Variants in STON1 observed in about 807,000 individuals in gnomAD.
The protein encoded by STON1 is stonin 1, also known as stonin-1.
STON1 carries 79 observed loss-of-function variants against 60.9 expected under a neutral mutation model. The observed-to-expected ratio is 1.30, with a 90% CI of 1.08 to 1.56. The LOEUF (loss-of-function observed/expected upper bound fraction) is 1.56, where lower values mean the gene tolerates loss of function less well. Ranked by LOEUF, STON1 falls within the 40% of genes most tolerant of loss-of-function variation. The pLI, the probability that STON1 is intolerant of heterozygous loss-of-function variation, is 0.00. For missense variants in STON1, 1,166 were observed against 858.9 expected (o/e 1.36, Z -4.47); for synonymous variants, 363 against 306.9 (o/e 1.18, Z -1.91).
chr2:48,547,968 T>C (rs772784472), intron 1 of STON1, among the ~76,000 whole-genome samples: 11 of 152,242 alleles, frequency 7.2e-5, no homozygotes, highest in Non-Finnish European at 1.5e-4. Context: ...CTGCTTCTCA[T>C]GTCCTTACCA....
At position 48,580,926 on chromosome 2, in the gene STON1, G is replaced by A; in HGVS notation, c.293G>A (p.Gly98Glu). 6.3e-7 allele frequency: 1 copy of A among 1,598,528 alleles called. No homozygotes were observed. ...GGTTTTCCTGGCATCCCCAAAGCAG[G>A]GACTCATGTGCTTTATCCTATTCCA... ...FPGFPGIPKA[G>E]THVLYPIPES... The change falls in exon 2 of 4, where the codon GGG (glycine) becomes GAG (glutamate). Residue 98 changes from glycine (G) to glutamate (E), a missense_variant. By Grantham distance (98) the Gly-to-Glu change is moderately conservative. Transcript: ENST00000404752.
chr2:48,574,798 A>G (rs1558621697), intron 1 of STON1, among the ~76,000 whole-genome samples: 2 of 152,224 alleles, frequency 1.3e-5, no homozygotes, highest in Non-Finnish European at 2.9e-5. Flanking sequence ...CTGGGTACAT[A>G]GTGATCACTC....
chr2:48,581,248 G>C lies in STON1; in HGVS notation c.615G>C (p.Lys205Asn). Residue 205 changes from lysine to asparagine, a missense_variant, in exon 2 of 4, where the codon AAG becomes AAC. Coordinates refer to ENST00000404752, the MANE Select transcript of STON1 (RefSeq NM_006873.4). ...CCCTTGACCCACCAGGAAGCAAAAAGATGTTCTCATCAAGAAACAAGGAGA... is the reference window on the plus strand; with the variant it reads ...CCCTTGACCCACCAGGAAGCAAAAACATGTTCTCATCAAGAAACAAGGAGA... ...HFTLDPPGSKKMFSSRNKEMP... is the reference protein window; with the variant it reads ...HFTLDPPGSKNMFSSRNKEMP... The C allele has an allele frequency of 2.6e-6, 4 of 1,517,642 alleles. No homozygotes were observed. The highest frequency in any genetic ancestry group is 3.5e-6 in the Non-Finnish European group (4 of 1,138,136). 94.0% of individuals were successfully genotyped at this position (1,517,642 alleles called of 1,614,324 possible).
At chr2:48,534,597 T>A (rs1218602902) in intron 1 of STON1, among the ~76,000 whole-genome samples, 1 of 152,146 alleles carries the variant, frequency 6.6e-6, no homozygotes, top group African/African-American at 2.4e-5. Flanking sequence ...GGTGGAAGGA[T>A]CACTTGAGCC....
intron 1 of STON1, among the ~76,000 whole-genome samples, chr2:48,557,110 C>A (rs1185898810): frequency 9.7e-6 from 1 of 102,892 alleles, no homozygotes; most frequent in African/African-American, 3.6e-5. Context: ...GGGTGGCTGC[C>A]GGGCGGAGAC....
intron 2 of STON1, among the ~76,000 whole-genome samples, chr2:48,583,437 T>G (rs1674016068): frequency 1.3e-5 from 2 of 152,192 alleles, no homozygotes; most frequent in Non-Finnish European, 2.9e-5. Context: ...TGTTAAAAAT[T>G]CAGTTAATTT....
intron 1 of STON1, among the ~76,000 whole-genome samples, chr2:48,562,997 G>C (rs1400354996): frequency 6.6e-6 from 1 of 152,240 alleles, no homozygotes; most frequent in Non-Finnish European, 1.5e-5. Flanking sequence ...ATGAGAGACT[G>C]ACTGACCTTG....
chr2:48,581,415 C>T lies in STON1; in HGVS notation c.782C>T (p.Ser261Phe). The T allele has an allele frequency of 6.2e-7, 1 of 1,611,872 alleles. No individual in the cohort carries two copies. Among genetic ancestry groups the T allele is most frequent in the African/African-American group, 1.3e-5 (1 of 74,982 alleles). The change falls in exon 2 of 4, where the codon TCC (serine) becomes TTC (phenylalanine). Residue 261 changes from serine to phenylalanine, a missense_variant. By Grantham distance (155) the Ser-to-Phe change is radical. Coordinates refer to ENST00000404752, the MANE Select transcript of STON1 (RefSeq NM_006873.4). Reference sequence around the variant, plus strand: ...CTATGTGCTGAAGAAAATGCCTCTTCCTTTGTCCCCCACACACTCTTCAGG... The same window carrying T: ...CTATGTGCTGAAGAAAATGCCTCTTTCTTTGTCCCCCACACACTCTTCAGG... Reference protein sequence around the residue: ...HCLCAEENASSFVPHTLFRSQ... With the variant: ...HCLCAEENASFFVPHTLFRSQ...
chr2:48,592,001 T>G (rs895753629), intron 3 of STON1, 146 bp downstream of exon 3: 1 of 1,087,176 alleles, frequency 9.2e-7, no homozygotes, highest in Non-Finnish European at 1.3e-6. Flanking sequence ...GGAAACTTGA[T>G]GGCCACCATT....
At chr2:48,546,129 G>T (rs926636074) in intron 1 of STON1, among the ~76,000 whole-genome samples, 2 of 152,274 alleles carry the variant, frequency 1.3e-5, no homozygotes, top group Non-Finnish European at 1.5e-5. Flanking sequence ...CATTGGCCTT[G>T]CCATCTTCCG....
intron 2 of STON1, among the ~76,000 whole-genome samples, chr2:48,584,686 T>G (rs576450142): frequency 1.3e-5 from 2 of 152,248 alleles, no homozygotes; most frequent in African/African-American, 4.8e-5. Context: ...GGGAGCCAGA[T>G]TCCAAGTATT....
chr2:48,565,624 C>T (rs930925632), intron 1 of STON1, among the ~76,000 whole-genome samples: 1 of 152,224 alleles, frequency 6.6e-6, no homozygotes, highest in East Asian at 1.9e-4. Context: ...AGACACAGTT[C>T]TAGAAAAAGA....
At chr2:48,551,230 T>C (rs1241745378) in intron 1 of STON1, among the ~76,000 whole-genome samples, 1 of 152,024 alleles carries the variant, frequency 6.6e-6, no homozygotes, top group African/African-American at 2.4e-5. Flanking sequence ...ACAGGGAGAA[T>C]GGGTTGGACT....
At position 48,563,857 on chromosome 2, in the gene STON1, CG is replaced by C. The variant is rs377530335; in HGVS notation, c.-47-16729del. Among the ~76,000 whole-genome samples the C allele has an allele frequency of 7.1e-3, 1,072 of 151,882 alleles. 6 individuals are homozygous for C. The highest frequency in any genetic ancestry group is 0.011 in the Non-Finnish European group (738 of 67,940). ...TACAGCCACATGCCACCATGCCTGG[CG>C]AATTTTTTTTTTTTAACTTTTAATG... On this transcript the variant is annotated intron_variant, in intron 1 of 3. Transcript: ENST00000404752.
chr2:48,583,250 G>T (rs1259102970), intron 2 of STON1, among the ~76,000 whole-genome samples: 1 of 152,122 alleles, frequency 6.6e-6, no homozygotes, highest in African/African-American at 2.4e-5. Context: ...CATCGTGCCT[G>T]GCTAATTTTT....
chr2:48,569,209 A>G (rs1481285375), intron 1 of STON1: 1 of 152,252 alleles, frequency 6.6e-6, no homozygotes. Context: ...TTAGCACACC[A>G]TGAACACATA....
At chr2:48,585,421 A>G (rs11683611) in intron 2 of STON1, among the ~76,000 whole-genome samples, 48,634 of 151,418 alleles carry the variant, frequency 0.32, 7,920 homozygotes, top group East Asian at 0.42. Context: ...CTAACTTCTT[A>G]TATTTTGTGT....
At chr2:48,569,532 CT>C (rs761944772) in intron 1 of STON1, among the ~76,000 whole-genome samples, 1 of 152,074 alleles carries the variant, frequency 6.6e-6, no homozygotes, top group Non-Finnish European at 1.5e-5. Context: ...ATGTATTAAG[CT>C]TTTTGTATTT....
At chr2:48,551,765 A>G (rs1672117082) in intron 1 of STON1, among the ~76,000 whole-genome samples, 1 of 152,216 alleles carries the variant, frequency 6.6e-6, no homozygotes, top group South Asian at 2.1e-4. Context: ...TTTACCAAAC[A>G]TTGATTGGAC....
Sources: gnomAD v4.1 joint callset for allele counts (sites outside exome capture counted in the v4.1 genomes callset) on GRCh38, gnomAD v4.1.1 for gene constraint, MANE v1.5 for transcripts, NCBI Gene and HGNC (gene_info 2026-07-23, HGNC 2026-07-21) for gene names.